The following ARB2A variants were observed in gnomAD, a reference collection of about 807,000 sequenced individuals.
ARB2A encodes the protein ARB2 cotranscriptional regulator A, also known as cotranscriptional regulator ARB2A.
At chr5:93,700,321 C>T in the ARB2A span, among the ~76,000 whole-genome samples, 1 of 151,966 alleles carries the variant, frequency 6.6e-6, no homozygotes, top group East Asian at 1.9e-4. Context: ...ATCCCTAAGG[C>T]AAATCCATCA....
chr5:94,004,803 TTG>T, the ARB2A span, among the ~76,000 whole-genome samples: 1 of 151,556 alleles, frequency 6.6e-6, no homozygotes, highest in African/African-American at 2.4e-5. Flanking sequence ...CTTGTTTTAT[TTG>T]TGTTTCTATT....
the ARB2A span, among the ~76,000 whole-genome samples, chr5:93,660,830 A>G: frequency 1.3e-5 from 2 of 152,164 alleles, no homozygotes; most frequent in Non-Finnish European, 2.9e-5. Context: ...ATCACAGATA[A>G]GAGAGAAAGA....
At chr5:93,794,591 C>A in the ARB2A span, among the ~76,000 whole-genome samples, 191 of 152,258 alleles carry the variant, frequency 1.3e-3, no homozygotes, top group Middle Eastern at 0.017. Flanking sequence ...CATTCAGATT[C>A]TTTTGTCCCA....
At chr5:94,083,953 C>T in the ARB2A span, among the ~76,000 whole-genome samples, 11 of 151,834 alleles carry the variant, frequency 7.2e-5, no homozygotes, top group East Asian at 2.1e-3. Context: ...AGTTATAAAG[C>T]ACAGTTTTTT....
chr5:93,928,859 A>T, the ARB2A span, among the ~76,000 whole-genome samples: 1 of 152,140 alleles, frequency 6.6e-6, no homozygotes, highest in Admixed American at 6.5e-5. Flanking sequence ...TGGGAAAAGT[A>T]CCAGCACGTG....
chr5:93,907,534 T>C, the ARB2A span, among the ~76,000 whole-genome samples: 1 of 151,502 alleles, frequency 6.6e-6, no homozygotes, highest in Non-Finnish European at 1.5e-5. Context: ...CAATTGGAGC[T>C]TTTGGTTTAC....
At chr5:93,937,088 T>C in the ARB2A span, among the ~76,000 whole-genome samples, 1 of 151,892 alleles carries the variant, frequency 6.6e-6, no homozygotes, top group Non-Finnish European at 1.5e-5. Context: ...TCAGCCAGGA[T>C]GGTCTCGATC....
chr5:93,766,104 A>T, the ARB2A span, among the ~76,000 whole-genome samples: 5 of 152,182 alleles, frequency 3.3e-5, no homozygotes, highest in Non-Finnish European at 4.4e-5. Flanking sequence ...AACCTAGGCA[A>T]TACCATTCAG....
At chr5:93,751,209 T>C in the ARB2A span, among the ~76,000 whole-genome samples, 1 of 152,110 alleles carries the variant, frequency 6.6e-6, no homozygotes, top group East Asian at 1.9e-4. Flanking sequence ...CTTTAGAATT[T>C]AAGAAATTAT....
the ARB2A span, among the ~76,000 whole-genome samples, chr5:93,698,111 C>A: frequency 6.6e-6 from 1 of 152,242 alleles, no homozygotes; most frequent in South Asian, 2.1e-4. Context: ...AAGTATGTAC[C>A]TTTAGCAAGT....
the ARB2A span, among the ~76,000 whole-genome samples, chr5:93,940,673 A>G: frequency 6.6e-6 from 1 of 152,054 alleles, no homozygotes; most frequent in Non-Finnish European, 1.5e-5. Flanking sequence ...TTTACTCTTA[A>G]GTTCACATGT....
chr5:93,690,297 C>T, the ARB2A span, among the ~76,000 whole-genome samples: 2 of 152,158 alleles, frequency 1.3e-5, no homozygotes, highest in Non-Finnish European at 2.9e-5. Context: ...AAGCTAAGAT[C>T]CATTGGCTTG....
chr5:93,833,569 C>A, the ARB2A span, among the ~76,000 whole-genome samples: 1 of 152,196 alleles, frequency 6.6e-6, no homozygotes, highest in African/African-American at 2.4e-5. Flanking sequence ...TAAAAAAAGC[C>A]TGAAAAAGAC....
chr5:93,695,762 A>G, the ARB2A span, among the ~76,000 whole-genome samples: 1 of 152,212 alleles, frequency 6.6e-6, no homozygotes, highest in South Asian at 2.1e-4. Flanking sequence ...ACTGTTCACA[A>G]TAGCAAAGAC....
the ARB2A span, among the ~76,000 whole-genome samples, chr5:94,063,321 AAC>A: frequency 3.3e-5 from 5 of 152,256 alleles, no homozygotes; most frequent in Non-Finnish European, 5.9e-5. Flanking sequence ...TGCTGCTACC[AAC>A]ACAGTCATAA....
chr5:94,110,207 T>C, the ARB2A span, among the ~76,000 whole-genome samples: 1 of 152,182 alleles, frequency 6.6e-6, no homozygotes, highest in African/African-American at 2.4e-5. Flanking sequence ...TCTTAATCAC[T>C]ACTTGTTATA....
At chr5:93,664,112 C>T in the ARB2A span, among the ~76,000 whole-genome samples, 1 of 151,192 alleles carries the variant, frequency 6.6e-6, no homozygotes. Context: ...GCTCTGTCAC[C>T]CAGGCTGGGC....
chr5:93,979,368 C>A, the ARB2A span, among the ~76,000 whole-genome samples: 1 of 151,956 alleles, frequency 6.6e-6, no homozygotes, highest in African/African-American at 2.4e-5. Flanking sequence ...TAGTATTACA[C>A]CAGCACCATA....
the ARB2A span, among the ~76,000 whole-genome samples, chr5:93,808,020 C>T: frequency 3.0e-3 from 449 of 152,018 alleles, 1 homozygote; most frequent in Non-Finnish European, 4.6e-3. Context: ...CCAATCAATG[C>T]AAGAAAAAAC....
Sources: allele counts gnomAD v4.1 joint callset (sites outside exome capture counted in the v4.1 genomes callset), GRCh38; gene constraint gnomAD v4.1.1; transcripts MANE v1.5; gene names NCBI Gene and HGNC (gene_info 2026-07-23, HGNC 2026-07-21).